ZMIZ1: variants seen among roughly 807,000 people sequenced by gnomAD.
ZMIZ1 encodes the protein zinc finger MIZ domain-containing protein 1.
In ZMIZ1, 17 loss-of-function variants were observed where a neutral mutation model predicts 113.9. The observed-to-expected ratio is 0.15, with a 90% CI of 0.10 to 0.22. The LOEUF is 0.22. Ranked by LOEUF, ZMIZ1 falls within the 10% of genes least tolerant of loss-of-function variation. The probability of loss-of-function intolerance (pLI) is 1.00; values close to 1 mark genes in which losing one functional copy is unlikely to be tolerated. For synonymous variants in ZMIZ1, 607 were observed against 603.1 expected (o/e 1.01, Z -0.09); for missense variants, 1,059 against 1,477.8 (o/e 0.72, Z 4.65).
intron 4 of ZMIZ1, among the ~76,000 whole-genome samples, chr10:79,191,777 A>C (rs1324028885): frequency 1.3e-5 from 2 of 152,224 alleles, no homozygotes; most frequent in Non-Finnish European, 2.9e-5. Context: ...GGCAGTTGTC[A>C]GTAGTGTGAC....
chr10:79,157,527 T>C (rs2132476388), intron 3 of ZMIZ1, among the ~76,000 whole-genome samples: 1 of 152,160 alleles, frequency 6.6e-6, no homozygotes, highest in South Asian at 2.1e-4. Context: ...AGGTCCTTGC[T>C]CCGGCCAATG....
intron 4 of ZMIZ1, among the ~76,000 whole-genome samples, chr10:79,165,948 CTGTGTGTG>C (rs1174980856): frequency 0.016 from 964 of 59,778 alleles, 20 homozygotes; most frequent in East Asian, 0.046. Flanking sequence ...CCCAGCTCAG[CTGTGTGTG>C]TGTGTGTGTG....
At chr10:79,263,149 A>G (rs1851371274) in intron 7 of ZMIZ1, among the ~76,000 whole-genome samples, 1 of 152,262 alleles carries the variant, frequency 6.6e-6, no homozygotes, top group South Asian at 2.1e-4. Flanking sequence ...GCGCAGTGAC[A>G]GAGATGGTGC....
At chr10:79,092,030 G>T (rs1341727502) in intron 1 of ZMIZ1, among the ~76,000 whole-genome samples, 1 of 152,146 alleles carries the variant, frequency 6.6e-6, no homozygotes, top group Non-Finnish European at 1.5e-5. Flanking sequence ...GGGCTTAGGG[G>T]CTGGTGCTGT....
intron 1 of ZMIZ1, among the ~76,000 whole-genome samples, chr10:79,071,227 G>A (rs1420027420): frequency 6.6e-6 from 1 of 152,236 alleles, no homozygotes; most frequent in African/African-American, 2.4e-5. Context: ...GGATTTTCTT[G>A]AGCAACAGTT....
At chr10:79,274,199 C>T (rs1177913953) in intron 7 of ZMIZ1, among the ~76,000 whole-genome samples, 1 of 152,228 alleles carries the variant, frequency 6.6e-6, no homozygotes, top group Non-Finnish European at 1.5e-5. Context: ...CTGACACTGC[C>T]CTCCCATTGC....
At position 79,311,197 on chromosome 10, in the gene ZMIZ1, C is replaced by T. The variant is rs746501799; in HGVS notation, c.3096+13C>T. 1.9e-6 allele frequency: 3 copies of T among 1,601,060 alleles called. No individual in the cohort carries two copies. The highest frequency in any genetic ancestry group is 2.6e-6 in the Non-Finnish European group (3 of 1,173,170). ...GCCTTCGCTGGATGTAAGTTGGGGT[C>T]GCCACTCGCCTTGGCCTGGGGCTAG... On this transcript the variant is annotated intron_variant, in intron 24 of 24. Coordinates refer to ENST00000334512, the MANE Select transcript of ZMIZ1 (RefSeq NM_020338.4).
chr10:79,185,113 G>T (rs1847299128), intron 4 of ZMIZ1, among the ~76,000 whole-genome samples: 1 of 151,870 alleles, frequency 6.6e-6, no homozygotes, highest in African/African-American at 2.4e-5. Context: ...GTGGATAATT[G>T]TCGGGAGCAT....
At chr10:79,219,885 G>C (rs1460298920) in intron 7 of ZMIZ1, among the ~76,000 whole-genome samples, 4 of 152,054 alleles carry the variant, frequency 2.6e-5, no homozygotes, top group Non-Finnish European at 5.9e-5. Flanking sequence ...ACCTTTCAGG[G>C]CCACCCATCC....
chr10:79,108,215 A>C (rs1222100689), intron 1 of ZMIZ1, among the ~76,000 whole-genome samples: 1 of 152,138 alleles, frequency 6.6e-6, no homozygotes, highest in East Asian at 1.9e-4. Context: ...GCTTTTCCCT[A>C]GGCAGCAGAT....
Position 79,296,461 on chromosome 10 carries a change from C to T in ZMIZ1, c.1231-10C>T, listed in dbSNP as rs200681784. On this transcript the variant is annotated splice_polypyrimidine_tract_variant and intron_variant, in intron 12 of 24. Coordinates refer to ENST00000334512, the MANE Select transcript of ZMIZ1 (RefSeq NM_020338.4). The surrounding 1 kb of genome is among the most constrained non-coding windows in gnomAD (Gnocchi z 4.1). ...AACGTGTTTCCCCTCTCCTTTCTCT[C>T]CCACCACAGCCCAACTATGGAAACC... is the stretch of plus-strand genomic sequence containing the variant. The T allele has an allele frequency of 1.2e-3, 1,896 of 1,613,792 alleles. 6 individuals are homozygous for T. Among genetic ancestry groups the T allele is most frequent in the South Asian group, 4.0e-3 (361 of 91,080 alleles).
chr10:79,231,778 A>G (rs1264675718), intron 7 of ZMIZ1, among the ~76,000 whole-genome samples: 1 of 150,318 alleles, frequency 6.7e-6, no homozygotes, highest in African/African-American at 2.4e-5. Context: ...GGGTTCCACA[A>G]AGTTGGCCAG....
intron 7 of ZMIZ1, among the ~76,000 whole-genome samples, chr10:79,275,178 G>T (rs971132660): frequency 6.6e-6 from 1 of 152,246 alleles, no homozygotes; most frequent in East Asian, 1.9e-4. Context: ...GCCCGAATAG[G>T]CTGCCTTTCC....
intron 7 of ZMIZ1, among the ~76,000 whole-genome samples, chr10:79,267,661 T>G (rs1316514905): frequency 1.3e-5 from 2 of 152,178 alleles, no homozygotes; most frequent in African/African-American, 4.8e-5. Flanking sequence ...CTCCAGAGCT[T>G]GTGTTCTTGG....
At chr10:79,229,091 C>A (rs1288369348) in intron 7 of ZMIZ1, among the ~76,000 whole-genome samples, 1 of 152,222 alleles carries the variant, frequency 6.6e-6, no homozygotes, top group African/African-American at 2.4e-5. Flanking sequence ...GATCTAGAAT[C>A]CAGCTCTCCT....
rs1175670926 is a variant in ZMIZ1, at chr10:79,313,361, C to G, written c.*612C>G. On this transcript the variant is annotated 3_prime_UTR_variant, in exon 25 of 25. Transcript: ENST00000334512. ...AGGGGTCATCGGTTTGACCCCTGAC[C>G]TATAAGCCAAGATACCCCATAAACA... 6.4e-6 allele frequency: 1 copy of G among 155,946 alleles called. No homozygotes were observed. The highest frequency in any genetic ancestry group is 1.9e-4 in the East Asian group (1 of 5,304). The allele number at this position is 155,946 out of a possible 1,614,324, so 9.7% of individuals were successfully genotyped here.
intron 4 of ZMIZ1, among the ~76,000 whole-genome samples, chr10:79,165,967 T>TGCGCGCGCATGCGCGCGCGC (rs1564692761): frequency 9.6e-5 from 1 of 10,462 alleles, no homozygotes; most frequent in Non-Finnish European, 2.2e-4. Flanking sequence ...TGTGTGTGTG[T>TGCGCGCGCATGCGCGCGCGC]GTGTGTGTGT....
At chr10:79,307,629 G>C (rs1434685478) in intron 23 of ZMIZ1, 58 bp downstream of exon 23, 4 of 1,565,794 alleles carry the variant, frequency 2.6e-6, no homozygotes, top group Non-Finnish European at 3.5e-6. Flanking sequence ...GATGCCTTGG[G>C]ATCTGGATAC....
chr10:79,081,786 G>A (rs1286257757), intron 1 of ZMIZ1, among the ~76,000 whole-genome samples: 3 of 152,246 alleles, frequency 2.0e-5, no homozygotes, highest in African/African-American at 4.8e-5. Context: ...TGCCAGCATC[G>A]CTGGGGGCTG....
Sources: gnomAD v4.1 joint callset for allele counts (sites outside exome capture counted in the v4.1 genomes callset) on GRCh38, gnomAD v4.1.1 for gene constraint, Gnocchi (gnomAD v3.1) non-coding constraint, MANE v1.5 for transcripts, NCBI Gene and HGNC (gene_info 2026-07-23, HGNC 2026-07-21) for gene names.